Variants in GRIN2A observed in about 807,000 individuals in gnomAD.
GRIN2A encodes the protein glutamate receptor ionotropic, NMDA 2A.
Under a neutral mutation model 113.4 loss-of-function variants are expected in GRIN2A, and 22 were observed. The observed-to-expected ratio is 0.19, with a 90% CI of 0.14 to 0.28. GRIN2A has a LOEUF of 0.28. Ranked by LOEUF, GRIN2A falls within the 10% of genes least tolerant of loss-of-function variation. The pLI, the probability that GRIN2A is intolerant of heterozygous loss-of-function variation, is 1.00. For missense variants in GRIN2A, 1,502 were observed against 1,887.0 expected (o/e 0.80, Z 3.78); for synonymous variants, 827 against 738.4 (o/e 1.12, Z -1.94).
chr16:9,871,517 A>G (rs185165015), intron 4 of GRIN2A, among the ~76,000 whole-genome samples: 10 of 152,080 alleles, frequency 6.6e-5, no homozygotes, highest in East Asian at 1.9e-4. Flanking sequence ...TTGTATATGC[A>G]TAATAGTTCC....
intron 2 of GRIN2A, among the ~76,000 whole-genome samples, chr16:10,049,920 T>C (rs2047328760): frequency 6.6e-6 from 1 of 152,218 alleles, no homozygotes; most frequent in African/African-American, 2.4e-5. Flanking sequence ...ATCTTTCTGA[T>C]AACCCAGTGG....
chr16:9,921,892 T>C (rs1248417556), intron 3 of GRIN2A, among the ~76,000 whole-genome samples: 1 of 152,214 alleles, frequency 6.6e-6, no homozygotes, highest in African/African-American at 2.4e-5. Context: ...CCCTGTCTCT[T>C]TGGGGCCTCA....
chr16:9,908,286 C>T (rs1469975996), intron 3 of GRIN2A, among the ~76,000 whole-genome samples: 1 of 152,082 alleles, frequency 6.6e-6, no homozygotes, highest in Non-Finnish European at 1.5e-5. Context: ...TGCAAGGTCA[C>T]CCTCTTGGTG....
intron 2 of GRIN2A, among the ~76,000 whole-genome samples, chr16:10,016,542 G>C (rs1379824873): frequency 1.3e-5 from 2 of 152,106 alleles, no homozygotes; most frequent in African/African-American, 2.4e-5. Context: ...CATGAGCTTT[G>C]TGAGGGCAGG....
intron 2 of GRIN2A, among the ~76,000 whole-genome samples, chr16:10,083,258 C>A (rs1433862865): frequency 6.6e-6 from 1 of 152,204 alleles, no homozygotes; most frequent in East Asian, 1.9e-4. Context: ...AAGGCACAAC[C>A]AGTCCTTGCG....
intron 4 of GRIN2A, among the ~76,000 whole-genome samples, chr16:9,876,228 G>T (rs546868701): frequency 5.8e-4 from 88 of 152,270 alleles, no homozygotes; most frequent in African/African-American, 1.9e-3. Flanking sequence ...GCACAGACTT[G>T]CTGGCTCCTT....
At chr16:9,989,378 C>T (rs893778894) in intron 2 of GRIN2A, among the ~76,000 whole-genome samples, 1 of 151,982 alleles carries the variant, frequency 6.6e-6, no homozygotes, top group Non-Finnish European at 1.5e-5. Flanking sequence ...TTACTATATA[C>T]AAAAATTAAC....
At chr16:9,822,108 A>G (rs2042296062) in intron 10 of GRIN2A, among the ~76,000 whole-genome samples, 156 bp downstream of exon 10, 1 of 152,174 alleles carries the variant, frequency 6.6e-6, no homozygotes, top group Admixed American at 6.5e-5. Flanking sequence ...TGCTCATTAG[A>G]TTAACAAAAA....
At chr16:9,807,147 A>C (rs1367509442) in intron 10 of GRIN2A, among the ~76,000 whole-genome samples, 1 of 146,348 alleles carries the variant, frequency 6.8e-6, no homozygotes, top group Non-Finnish European at 1.5e-5. Flanking sequence ...TAAATTATCC[A>C]GTATCGGGTA....
chr16:10,138,536 G>T (rs940864856), intron 2 of GRIN2A, among the ~76,000 whole-genome samples: 2 of 152,056 alleles, frequency 1.3e-5, no homozygotes, highest in South Asian at 2.1e-4. Flanking sequence ...AACAGCAAGG[G>T]GAAAATCCGC....
chr16:9,855,106 T>C (rs1159111254), intron 4 of GRIN2A, among the ~76,000 whole-genome samples: 1 of 152,076 alleles, frequency 6.6e-6, no homozygotes, highest in Non-Finnish European at 1.5e-5. Context: ...AGAACCCCTC[T>C]CTTCTCTCCT....
chr16:9,897,308 A>T lies in GRIN2A; in HGVS notation c.1008-6208T>A, dbSNP rs1266102648. 2.6e-5 allele frequency among the ~76,000 whole-genome samples: 4 copies of T among 152,230 alleles called. No individual in the cohort carries two copies. The East Asian group carries it at 7.7e-4, about 29-fold the overall frequency. ...TGTATGAAGCTGAAGTCCAGGTTAA[A>T]TAAACATTCCTCTTCCCCTTGTGTT... On this transcript the variant is annotated intron_variant, in intron 3 of 12. Coordinates refer to ENST00000330684, the MANE Select transcript of GRIN2A (RefSeq NM_001134407.3).
chr16:9,944,771 G>T (rs2044977583), intron 2 of GRIN2A, among the ~76,000 whole-genome samples: 1 of 152,120 alleles, frequency 6.6e-6, no homozygotes. Flanking sequence ...CCCCTAGAGT[G>T]CAAGACTGCC....
intron 2 of GRIN2A, among the ~76,000 whole-genome samples, chr16:10,085,799 G>T (rs915633187): frequency 6.6e-6 from 1 of 152,156 alleles, no homozygotes; most frequent in Non-Finnish European, 1.5e-5. Flanking sequence ...AGTTTTCAAG[G>T]TTTCTCTGGG....
intron 2 of GRIN2A, among the ~76,000 whole-genome samples, chr16:10,135,284 T>A (rs1473742756): frequency 6.6e-6 from 1 of 152,232 alleles, no homozygotes; most frequent in Non-Finnish European, 1.5e-5. Context: ...TAGGTAGCCC[T>A]CCCTGGTAAT....
chr16:10,070,089 A>G (rs776960785), intron 2 of GRIN2A, among the ~76,000 whole-genome samples: 1 of 152,144 alleles, frequency 6.6e-6, no homozygotes, highest in African/African-American at 2.4e-5. Context: ...CTTCAGTGGC[A>G]ACGTCTGCTC....
At chr16:9,931,755 A>G (rs2044599143) in intron 3 of GRIN2A, among the ~76,000 whole-genome samples, 1 of 152,234 alleles carries the variant, frequency 6.6e-6, no homozygotes, top group Non-Finnish European at 1.5e-5. Context: ...AAAGACACAC[A>G]CACACGCACA....
intron 12 of GRIN2A, among the ~76,000 whole-genome samples, chr16:9,768,403 C>G (rs887702616): frequency 2.0e-5 from 3 of 152,150 alleles, no homozygotes; most frequent in Non-Finnish European, 4.4e-5. Flanking sequence ...GGAAAGGTTT[C>G]TAACAAAATC....
intron 2 of GRIN2A, among the ~76,000 whole-genome samples, chr16:10,072,803 TTGTC>T (rs1234232913): frequency 1.3e-5 from 2 of 152,006 alleles, no homozygotes; most frequent in South Asian, 2.1e-4. Flanking sequence ...ATCTGGGTGA[TTGTC>T]TGTGCTCACT....
Sources: allele counts gnomAD v4.1 joint callset (sites outside exome capture counted in the v4.1 genomes callset), GRCh38; gene constraint gnomAD v4.1.1; transcripts MANE v1.5; gene names NCBI Gene and HGNC (gene_info 2026-07-23, HGNC 2026-07-21).